Variants in ZNF521 observed in about 807,000 individuals in gnomAD.
ZNF521 encodes zinc finger protein 521.
Under a neutral mutation model 105.5 loss-of-function variants are expected in ZNF521, and 14 were observed. That is an observed-to-expected ratio of 0.13 (90% CI 0.09 to 0.21). ZNF521 has a LOEUF of 0.21. Ranked by LOEUF, ZNF521 falls within the 10% of genes least tolerant of loss-of-function variation. ZNF521 has a pLI of 1.00. For synonymous variants in ZNF521, 635 were observed against 606.0 expected, an observed-to-expected ratio of 1.05 and a Z score of -0.70; for missense variants, 1,233 against 1,629.7, an observed-to-expected ratio of 0.76 and a Z score of 4.19.
At chr18:25,082,662 C>T (rs942298344) in intron 7 of ZNF521, 8 of 414,504 alleles carry the variant, frequency 1.9e-5, no homozygotes, top group African/African-American at 1.7e-4. Context: ...ATGGTGAAAC[C>T]CCATCTCTAC....
chr18:25,094,573 C>A (rs573054149), intron 5 of ZNF521, among the ~76,000 whole-genome samples: 1 of 151,226 alleles, frequency 6.6e-6, no homozygotes, highest in Non-Finnish European at 1.5e-5. Flanking sequence ...CTTAAAAGCA[C>A]GTTATAATGT....
At chr18:25,083,255 A>G (rs2033543304) in intron 7 of ZNF521, among the ~76,000 whole-genome samples, 1 of 152,228 alleles carries the variant, frequency 6.6e-6, no homozygotes, top group Admixed American at 6.5e-5. Flanking sequence ...CTTGAAAAAG[A>G]TAAATGTTTA....
intron 3 of ZNF521, among the ~76,000 whole-genome samples, chr18:25,311,585 A>G (rs896391774): frequency 6.6e-6 from 1 of 152,108 alleles, no homozygotes; most frequent in Non-Finnish European, 1.5e-5. Context: ...CCCACAAAAG[A>G]GACCCCACTG....
At chr18:25,148,350 T>C (rs1312316490) in intron 5 of ZNF521, among the ~76,000 whole-genome samples, 1 of 152,184 alleles carries the variant, frequency 6.6e-6, no homozygotes, top group East Asian at 1.9e-4. Context: ...ATTCTTGTGG[T>C]CTGGAAATGG....
At chr18:25,192,449 A>C (rs1371672385) in intron 5 of ZNF521, among the ~76,000 whole-genome samples, 2 of 152,150 alleles carry the variant, frequency 1.3e-5, no homozygotes, top group Non-Finnish European at 2.9e-5. Context: ...CATAGGTGCC[A>C]CAGGAGCAAA....
intron 4 of ZNF521, among the ~76,000 whole-genome samples, chr18:25,217,317 G>C (rs561685049): frequency 8.5e-5 from 13 of 152,310 alleles, no homozygotes; most frequent in African/African-American, 3.1e-4. Flanking sequence ...GGCTTTGAAG[G>C]TATACAGAAG....
chr18:25,152,080 C>T (rs2035057700), intron 5 of ZNF521, among the ~76,000 whole-genome samples: 1 of 152,162 alleles, frequency 6.6e-6, no homozygotes, highest in South Asian at 2.1e-4. Context: ...TTTATGAACC[C>T]TCACTGTGGA....
chr18:25,340,355 G>A (rs190640941), intron 2 of ZNF521, among the ~76,000 whole-genome samples: 5 of 151,860 alleles, frequency 3.3e-5, no homozygotes, highest in African/African-American at 1.2e-4. Flanking sequence ...ATTCCATCTC[G>A]AAAAAATAAT....
intron 5 of ZNF521, among the ~76,000 whole-genome samples, chr18:25,144,572 C>T (rs77384958): frequency 0.035 from 5,247 of 152,004 alleles, 311 homozygotes; most frequent in African/African-American, 0.12. Context: ...AATCAAGATG[C>T]TAACTGAAAT....
At chr18:25,177,932 T>C (rs1236805371) in intron 5 of ZNF521, among the ~76,000 whole-genome samples, 1 of 152,242 alleles carries the variant, frequency 6.6e-6, no homozygotes, top group Non-Finnish European at 1.5e-5. Context: ...ATTTAGAGCA[T>C]GTTTCAATTC....
At chr18:25,096,596 T>A (rs1426427823) in intron 5 of ZNF521, among the ~76,000 whole-genome samples, 1 of 152,160 alleles carries the variant, frequency 6.6e-6, no homozygotes, top group Non-Finnish European at 1.5e-5. Context: ...AACAAAAATC[T>A]AGAGTGGCTA....
chr18:25,311,576 C>A (rs544827436), intron 3 of ZNF521, among the ~76,000 whole-genome samples: 146 of 152,166 alleles, frequency 9.6e-4, no homozygotes, highest in South Asian at 2.3e-3. Flanking sequence ...TTCATCTTCC[C>A]CACAAAAGAG....
chr18:25,175,208 C>T (rs541404428), intron 5 of ZNF521, among the ~76,000 whole-genome samples: 17 of 152,284 alleles, frequency 1.1e-4, no homozygotes, highest in African/African-American at 3.9e-4. Context: ...TGTCACAGGA[C>T]ATGATGAAGG....
At chr18:25,087,893 CCTT>C (rs1455356869) in intron 7 of ZNF521, among the ~76,000 whole-genome samples, 3 of 152,252 alleles carry the variant, frequency 2.0e-5, no homozygotes, top group Admixed American at 6.5e-5. Flanking sequence ...TATTTCATCT[CCTT>C]AACTTACTAT....
At chr18:25,265,876 T>C (rs1909216656) in intron 3 of ZNF521, among the ~76,000 whole-genome samples, 1 of 152,204 alleles carries the variant, frequency 6.6e-6, no homozygotes, top group African/African-American at 2.4e-5. Context: ...TAAGATCCTG[T>C]CGTTTGCAAC....
intron 5 of ZNF521, among the ~76,000 whole-genome samples, chr18:25,117,346 T>C (rs1322947102): frequency 6.6e-6 from 1 of 152,032 alleles, no homozygotes; most frequent in East Asian, 1.9e-4. Flanking sequence ...CAGCCTCCTC[T>C]GGAAGAATGT....
At position 25,092,017 on chromosome 18, in the gene ZNF521, C is replaced by T. The variant is rs1382170705; in HGVS notation, c.3723G>A (p.Gln1241=). The T allele has an allele frequency of 6.2e-7, 1 of 1,614,058 alleles. No individual in the cohort carries two copies. The highest frequency in any genetic ancestry group is 2.2e-5 in the East Asian group (1 of 44,876). The change falls in exon 6 of 8, where the codon CAG becomes CAA. Residue 1241 remains glutamine, a synonymous_variant. Transcript: ENST00000361524. ...CGAAGCTGTGCTCTATCAGGTGGCA[C>T]TGGAGTTTGGCAGGAGAGTCAAAGG... ...SQTFDSPAKL[Q]CHLIEHSFEG...
chr18:25,140,374 C>T (rs563249354), intron 5 of ZNF521, among the ~76,000 whole-genome samples: 2 of 152,268 alleles, frequency 1.3e-5, no homozygotes, highest in Admixed American at 6.5e-5. Context: ...TCAGAGAAAA[C>T]GTGAACTTTT....
At chr18:25,249,694 T>G (rs1907980967) in intron 3 of ZNF521, among the ~76,000 whole-genome samples, 1 of 151,948 alleles carries the variant, frequency 6.6e-6, no homozygotes, top group Non-Finnish European at 1.5e-5. Flanking sequence ...ACTCCTGACC[T>G]CAAGTGATCT....
Sources: gnomAD v4.1 joint callset for allele counts (sites outside exome capture counted in the v4.1 genomes callset) on GRCh38, gnomAD v4.1.1 for gene constraint, MANE v1.5 for transcripts, NCBI Gene and HGNC (gene_info 2026-07-23, HGNC 2026-07-21) for gene names.